The following RBFOX1 variants were observed in gnomAD, a reference collection of about 807,000 sequenced individuals.
The protein encoded by RBFOX1 is RNA binding fox-1 homolog 1.
RBFOX1 carries 8 observed loss-of-function variants against 57.7 expected under a neutral mutation model. The observed-to-expected ratio is 0.14, with a 90% CI of 0.08 to 0.25. RBFOX1 has a LOEUF of 0.25. Among genes scored for constraint, RBFOX1 ranks in the 10% least tolerant of loss-of-function variants. RBFOX1 has a pLI of 1.00. For missense variants in RBFOX1, 611 were observed against 548.5 expected (o/e 1.11, Z -1.14); for synonymous variants, 326 against 222.4 (o/e 1.47, Z -4.15).
chr16:7,309,910 G>A (rs1200879804), intron 4 of RBFOX1, among the ~76,000 whole-genome samples: 3 of 152,184 alleles, frequency 2.0e-5, no homozygotes, highest in Non-Finnish European at 4.4e-5. Context: ...ACGGGGAGAA[G>A]TGTCCCAATG....
intron 2 of RBFOX1, among the ~76,000 whole-genome samples, chr16:6,630,423 G>A (rs1602024468): frequency 6.6e-6 from 1 of 152,124 alleles, no homozygotes; most frequent in Non-Finnish European, 1.5e-5. Context: ...ATGATGGTAA[G>A]GTTAATGGTC....
chr16:7,168,515 C>G (rs961128470), intron 4 of RBFOX1, among the ~76,000 whole-genome samples: 58 of 152,116 alleles, frequency 3.8e-4, no homozygotes, highest in African/African-American at 9.4e-4. Flanking sequence ...TTGGCTCATA[C>G]TGGTACAGAA....
intron 3 of RBFOX1, among the ~76,000 whole-genome samples, chr16:6,757,256 A>G (rs1302674772): frequency 6.6e-6 from 1 of 152,152 alleles, no homozygotes; most frequent in African/African-American, 2.4e-5. Flanking sequence ...AAAAAGACTA[A>G]AAATAGAACT....
chr16:7,066,542 C>T (rs551824415), intron 4 of RBFOX1, among the ~76,000 whole-genome samples: 4 of 151,486 alleles, frequency 2.6e-5, no homozygotes, highest in Admixed American at 1.3e-4. Context: ...ATTTTATGTG[C>T]AAAGTTTTAG....
At chr16:6,785,663 G>A (rs893222597) in intron 3 of RBFOX1, among the ~76,000 whole-genome samples, 4 of 152,074 alleles carry the variant, frequency 2.6e-5, no homozygotes, top group African/African-American at 9.6e-5. Context: ...TTATTTCCAC[G>A]TTCCATGTAC....
chr16:6,280,226 G>C (rs560247297), intron 1 of RBFOX1, among the ~76,000 whole-genome samples: 3 of 152,146 alleles, frequency 2.0e-5, no homozygotes, highest in Non-Finnish European at 4.4e-5. Flanking sequence ...CTGTTGGTCC[G>C]TGGCCTGAGT....
At chr16:7,038,996 C>T (rs576638352) in intron 3 of RBFOX1, among the ~76,000 whole-genome samples, 112 of 152,098 alleles carry the variant, frequency 7.4e-4, no homozygotes, top group African/African-American at 2.6e-3. Context: ...AGAGCAGTGA[C>T]TCTCTTGATA....
At chr16:7,218,206 C>G (rs777011271) in intron 4 of RBFOX1, among the ~76,000 whole-genome samples, 1 of 152,128 alleles carries the variant, frequency 6.6e-6, no homozygotes, top group African/African-American at 2.4e-5. Context: ...GAGTTTAAAC[C>G]TTATGTCTTA....
chr16:7,480,890 G>A (rs528902005), intron 4 of RBFOX1, among the ~76,000 whole-genome samples: 1 of 152,302 alleles, frequency 6.6e-6, no homozygotes, highest in East Asian at 1.9e-4. Context: ...CCCTCTGAGG[G>A]GATGCGAGGG....
rs2096834259 is a variant in RBFOX1, at chr16:6,155,781, G to C, written c.-127+135789G>C. ...CGGCTTCCATGTGGGACTCTGCTGT[G>C]GCAATGTTTTTTTTTGGAACTCACT... On this transcript the variant is annotated intron_variant, in intron 1 of 15. Coordinates refer to ENST00000550418, the MANE Select transcript of RBFOX1 (RefSeq NM_018723.4). 1.3e-5 allele frequency among the ~76,000 whole-genome samples: 2 copies of C among 152,100 alleles called. 1 individual carries two copies. The highest frequency in any genetic ancestry group is 4.1e-4 in the South Asian group (2 of 4,828).
intron 10 of RBFOX1, among the ~76,000 whole-genome samples, chr16:7,619,142 C>G (rs1048591092): frequency 2.6e-5 from 4 of 151,922 alleles, no homozygotes; most frequent in Non-Finnish European, 2.9e-5. Context: ...AAAGGTTAAT[C>G]GATGCACACT....
At chr16:7,334,063 A>G (rs1031925177) in intron 4 of RBFOX1, among the ~76,000 whole-genome samples, 7 of 152,282 alleles carry the variant, frequency 4.6e-5, no homozygotes, top group African/African-American at 1.4e-4. Context: ...GTTAAAAACT[A>G]TATGATACCC....
chr16:6,134,561 A>T (rs929970634), intron 1 of RBFOX1, among the ~76,000 whole-genome samples: 2 of 152,136 alleles, frequency 1.3e-5, no homozygotes, highest in African/African-American at 4.8e-5. Flanking sequence ...CAAAGACATG[A>T]CATTAGTTCT....
chr16:6,814,660 G>C (rs1374574109), intron 3 of RBFOX1, among the ~76,000 whole-genome samples: 1 of 152,154 alleles, frequency 6.6e-6, no homozygotes, highest in East Asian at 1.9e-4. Flanking sequence ...GGCTAAGGGG[G>C]AAGGGCTCCT....
chr16:7,225,615 A>G (rs974351705), intron 4 of RBFOX1, among the ~76,000 whole-genome samples: 1 of 151,884 alleles, frequency 6.6e-6, no homozygotes, highest in Non-Finnish European at 1.5e-5. Context: ...CTTACATTCA[A>G]AGATAACTAA....
intron 3 of RBFOX1, among the ~76,000 whole-genome samples, chr16:5,767,547 C>T (rs923019792): frequency 2.1e-4 from 32 of 152,168 alleles, no homozygotes; most frequent in African/African-American, 2.9e-4. Context: ...CCTGTCCCTA[C>T]GAACCCTGCG....
intron 2 of RBFOX1, among the ~76,000 whole-genome samples, chr16:6,611,990 TCCCGAGTCC>T (rs142013066): frequency 0.084 from 12,711 of 152,070 alleles, 778 homozygotes; most frequent in East Asian, 0.34. Flanking sequence ...CTCTCAGATC[TCCCGAGTCC>T]CCTTGATGAA....
At chr16:7,284,724 C>A (rs146784364) in intron 4 of RBFOX1, among the ~76,000 whole-genome samples, 2 of 152,144 alleles carry the variant, frequency 1.3e-5, no homozygotes, top group Non-Finnish European at 2.9e-5. Context: ...CCTAGCTCTG[C>A]GACCTCACGG....
chr16:5,372,231 G>A (rs1389069671), intron 1 of RBFOX1, among the ~76,000 whole-genome samples: 4 of 152,164 alleles, frequency 2.6e-5, no homozygotes, highest in Admixed American at 6.5e-5. Flanking sequence ...GTCTCGGAAG[G>A]GTTTCACGGG....
Sources: gnomAD v4.1 joint callset for allele counts (sites outside exome capture counted in the v4.1 genomes callset) on GRCh38, gnomAD v4.1.1 for gene constraint, MANE v1.5 for transcripts, NCBI Gene and HGNC (gene_info 2026-07-23, HGNC 2026-07-21) for gene names.